The following SDK1 variants were observed in gnomAD, a reference collection of about 807,000 sequenced individuals.
The protein encoded by SDK1 is sidekick cell adhesion molecule 1.
SDK1 carries 157 observed loss-of-function variants against 245.5 expected under a neutral mutation model. The observed-to-expected ratio is 0.64, with a 90% CI of 0.56 to 0.73. The LOEUF is 0.73. Ranked by LOEUF, SDK1 falls within the 30% of genes least tolerant of loss-of-function variation. The pLI, the probability that SDK1 is intolerant of heterozygous loss-of-function variation, is 0.00. For missense variants in SDK1, 3,583 were observed against 3,002.3 expected, an observed-to-expected ratio of 1.19 and a Z score of -4.52; for synonymous variants, 1,647 against 1,278.5, an observed-to-expected ratio of 1.29 and a Z score of -6.15.
At chr7:3,996,073 T>C (rs996078730) in intron 14 of SDK1, among the ~76,000 whole-genome samples, 3 of 152,170 alleles carry the variant, frequency 2.0e-5, no homozygotes, top group African/African-American at 7.2e-5. Flanking sequence ...CTAATTTTTC[T>C]GGAATTTAGG....
At chr7:3,938,368 C>A (rs1780233203) in intron 5 of SDK1, among the ~76,000 whole-genome samples, 1 of 152,074 alleles carries the variant, frequency 6.6e-6, no homozygotes, top group Admixed American at 6.6e-5. Context: ...CTCAGCCTGG[C>A]ACGGTGGCTC....
At chr7:3,455,153 TGTTGA>T (rs1780632075) in intron 1 of SDK1, among the ~76,000 whole-genome samples, 1 of 152,072 alleles carries the variant, frequency 6.6e-6, no homozygotes, top group African/African-American at 2.4e-5. Flanking sequence ...TTTTTTTTAC[TGTTGA>T]GTTTTAAAAA....
At chr7:3,641,820 G>A (rs1161882060) in intron 3 of SDK1, 138 bp from the exon 4 acceptor site, 8 of 710,852 alleles carry the variant, frequency 1.1e-5, no homozygotes, top group Admixed American at 2.9e-5. Context: ...CAGCGCTGCC[G>A]TGCAGTCTCG....
At chr7:3,525,132 G>T (rs1783077953) in intron 1 of SDK1, among the ~76,000 whole-genome samples, 1 of 152,000 alleles carries the variant, frequency 6.6e-6, no homozygotes, top group East Asian at 1.9e-4. Context: ...ATGTGCATGG[G>T]TTATTTGTAA....
At position 3,474,171 on chromosome 7, in the gene SDK1, C is replaced by T. The variant is rs569320073; in HGVS notation, c.299-144909C>T. Among the ~76,000 whole-genome samples the T allele has an allele frequency of 4.6e-5, 6 of 130,676 alleles. No individual in the cohort carries two copies. In the South Asian group the frequency reaches 8.3e-4, roughly 18 times the overall value. 85.7% of individuals were successfully genotyped at this position (130,676 alleles called of 152,430 possible). ...AGGCTGGGGCGCGGTGGCTCAATCT[C>T]GGCTCACTGCAACCTCTGCCTCCTG... On this transcript the variant is annotated intron_variant, in intron 1 of 44. Coordinates refer to ENST00000404826, the MANE Select transcript of SDK1 (RefSeq NM_152744.4).
rs557450831 is a variant in SDK1, at chr7:4,077,116, C to T, written c.3129C>T (p.Ile1043=). The T allele has an allele frequency of 5.0e-6, 8 of 1,614,116 alleles. No homozygotes were observed. The highest frequency in any genetic ancestry group is 4.5e-5 in the East Asian group (2 of 44,890). Residue 1043 remains isoleucine, a synonymous_variant, in exon 21 of 45, where the codon ATC becomes ATT. Transcript: ENST00000404826. ...TCTCATCTCTCACCACCTACACCATCGACGTGGCCGCTGTGACTGCCGTGG... is the reference window on the plus strand; with the variant it reads ...TCTCATCTCTCACCACCTACACCATTGACGTGGCCGCTGTGACTGCCGTGG... ...QGLSSLTTYT[I]DVAAVTAVGT...
At chr7:3,788,692 G>A (rs568648560) in intron 4 of SDK1, among the ~76,000 whole-genome samples, 1 of 152,330 alleles carries the variant, frequency 6.6e-6, no homozygotes, top group South Asian at 2.1e-4. Context: ...AATGTTTTAA[G>A]TAAGTTTATG....
At chr7:4,198,632 A>G (rs564944340) in intron 35 of SDK1, among the ~76,000 whole-genome samples, 1 of 152,234 alleles carries the variant, frequency 6.6e-6, no homozygotes, top group South Asian at 2.1e-4. Context: ...AAGCCCTTAC[A>G]TCCCTCAAAG....
intron 1 of SDK1, chr7:3,476,162 G>GCTTC (rs1562509510): frequency 6.6e-6 from 1 of 152,528 alleles, no homozygotes; most frequent in East Asian, 1.9e-4. Flanking sequence ...GTTTTGGAGA[G>GCTTC]CTTCCTAAAA....
chr7:4,191,420 C>T (rs1056209589), intron 35 of SDK1, among the ~76,000 whole-genome samples: 1 of 152,242 alleles, frequency 6.6e-6, no homozygotes. Context: ...TCGCGCGGTG[C>T]CCGCTGCTGC....
At chr7:4,095,518 T>G (rs1275791569) in intron 22 of SDK1, among the ~76,000 whole-genome samples, 1 of 152,214 alleles carries the variant, frequency 6.6e-6, no homozygotes, top group Non-Finnish European at 1.5e-5. Context: ...TCAGCTACTT[T>G]CACCTTCTTG....
intron 22 of SDK1, among the ~76,000 whole-genome samples, chr7:4,094,151 G>C (rs1402958636): frequency 6.6e-6 from 1 of 152,136 alleles, no homozygotes; most frequent in Non-Finnish European, 1.5e-5. Context: ...CCGCCTTGTA[G>C]GTTCAAGCGA....
At chr7:4,157,382 A>T (rs191124828) in intron 30 of SDK1, among the ~76,000 whole-genome samples, 1 of 78,170 alleles carries the variant, frequency 1.3e-5, no homozygotes, top group Admixed American at 1.1e-4. Flanking sequence ...GAAGGGAGAG[A>T]AGGAATGAGG....
chr7:4,145,910 A>C lies in SDK1; in HGVS notation c.4417A>C (p.Lys1473Gln), dbSNP rs774450924. Residue 1473 changes from lysine (K) to glutamine (Q), a missense_variant, in exon 29 of 45, where the codon AAG becomes CAG. Physicochemically the swap from Lys to Gln is moderately conservative, Grantham distance 53. Coordinates refer to ENST00000404826, the MANE Select transcript of SDK1 (RefSeq NM_152744.4). ...PLEATVITTE[K>Q]RERPAPPREL... Reference sequence around the variant, plus strand: ...GGAGGCCACCGTCATCACCACCGAGAAGAGAGGTAAGACCTTGGGGGACCC... The same window carrying C: ...GGAGGCCACCGTCATCACCACCGAGCAGAGAGGTAAGACCTTGGGGGACCC... 1 of 1,604,410 alleles carries C rather than the reference A, an allele frequency of 6.2e-7. No individual in the cohort carries two copies. Among genetic ancestry groups the C allele is most frequent in the Non-Finnish European group, 8.5e-7 (1 of 1,175,816 alleles).
chr7:3,795,630 T>A lies in SDK1; in HGVS notation c.714-25820T>A, dbSNP rs184410326. ...CTCTTTCTTATTTATCGTGAAGAGT[T>A]AGATTATGTTAAATTGAAAAGTGAC... is the stretch of plus-strand genomic sequence containing the variant. On this transcript the variant is annotated intron_variant, in intron 4 of 44. Coordinates refer to ENST00000404826, the MANE Select transcript of SDK1 (RefSeq NM_152744.4). 1.9e-3 allele frequency among the ~76,000 whole-genome samples: 293 copies of A among 152,088 alleles called. 3 individuals are homozygous for A. The highest frequency in any genetic ancestry group is 6.4e-3 in the African/African-American group (266 of 41,506).
intron 29 of SDK1, among the ~76,000 whole-genome samples, chr7:4,148,784 G>A (rs1562887000): frequency 6.6e-6 from 1 of 152,214 alleles, no homozygotes; most frequent in Non-Finnish European, 1.5e-5. Context: ...TCAGCTGGGT[G>A]TAGTGGCTCA....
rs1785195607 is a variant in SDK1, at chr7:3,716,132, G to T, written c.713+74027G>T. ...AGGTAGACAAAAAAAAAAAAAAAATGAACAGAGGCTCCTGTGAGGCTGTAA... is the reference window on the plus strand; with the variant it reads ...AGGTAGACAAAAAAAAAAAAAAAATTAACAGAGGCTCCTGTGAGGCTGTAA... On this transcript the variant is annotated intron_variant, in intron 4 of 44. Coordinates refer to ENST00000404826, the MANE Select transcript of SDK1 (RefSeq NM_152744.4). 3.6e-5 allele frequency among the ~76,000 whole-genome samples: 5 copies of T among 139,568 alleles called. No homozygotes were observed. In the South Asian group the frequency reaches 8.6e-4, roughly 24 times the overall value. 91.6% of individuals were successfully genotyped at this position (139,568 alleles called of 152,430 possible).
rs752833677 is a variant in SDK1, at chr7:4,017,310, G to A, written c.2560G>A (p.Gly854Ser). 2 of 1,613,752 alleles carry A rather than the reference G, an allele frequency of 1.2e-6. No individual in the cohort carries two copies. The highest frequency in any genetic ancestry group is 1.7e-5 in the Admixed American group (1 of 59,962). Reference protein sequence around the residue: ...QVAAYNGAGLGVFSRAVTEYT... With the variant: ...QVAAYNGAGLSVFSRAVTEYT... ...GGCGGCGTACAACGGGGCCGGTCTG[G>A]GCGTCTTCAGCAGGGCAGTGACCGA... The change falls in exon 17 of 45, where the codon GGC (glycine) becomes AGC (serine). Residue 854 changes from glycine to serine, a missense_variant. Physicochemically the swap from Gly to Ser is moderately conservative, Grantham distance 56. Transcript: ENST00000404826.
At chr7:4,251,819 A>G (rs1787319976) in intron 44 of SDK1, among the ~76,000 whole-genome samples, 1 of 152,164 alleles carries the variant, frequency 6.6e-6, no homozygotes, top group Non-Finnish European at 1.5e-5. Context: ...TTTCTTCCAC[A>G]CCAGATTGTT....
Sources: allele counts gnomAD v4.1 joint callset (sites outside exome capture counted in the v4.1 genomes callset), GRCh38; gene constraint gnomAD v4.1.1; transcripts MANE v1.5; gene names NCBI Gene and HGNC (gene_info 2026-07-23, HGNC 2026-07-21).